MEF2A: variants seen among roughly 807,000 people sequenced by gnomAD.
MEF2A encodes myocyte enhancer factor 2A.
MEF2A carries 28 observed loss-of-function variants against 55.8 expected under a neutral mutation model. The ratio of observed to expected loss-of-function variants is 0.50; its 90% CI spans 0.37 to 0.69. The LOEUF (loss-of-function observed/expected upper bound fraction) is 0.69. MEF2A is among the 30% of genes least tolerant of loss of function. MEF2A has a pLI of 0.00. For missense variants in MEF2A, 528 were observed against 626.2 expected, an observed-to-expected ratio of 0.84 and a Z score of 1.67; for synonymous variants, 239 against 227.1, an observed-to-expected ratio of 1.05 and a Z score of -0.47.
chr15:99,678,980 T>C (rs2052669381), intron 7 of MEF2A, among the ~76,000 whole-genome samples: 1 of 152,108 alleles, frequency 6.6e-6, no homozygotes, highest in Non-Finnish European at 1.5e-5. Context: ...GTCTGATAAA[T>C]GTGAAGAAAT....
chr15:99,654,172 A>G (rs577507539), intron 4 of MEF2A, among the ~76,000 whole-genome samples: 1 of 152,310 alleles, frequency 6.6e-6, no homozygotes, highest in African/African-American at 2.4e-5. Flanking sequence ...GCTGTAGGAC[A>G]GTATAAAATA....
At position 99,714,872 on chromosome 15, in the gene MEF2A, T is replaced by C. The variant is rs1238919344; in HGVS notation, c.*2101T>C. 2 of 126,590 alleles carry C rather than the reference T, an allele frequency of 1.6e-5. No homozygotes were observed. Among genetic ancestry groups the C allele is most frequent in the African/African-American group, 6.1e-5 (2 of 32,920 alleles). The allele number at this position is 126,590 out of a possible 1,614,324, so 7.8% of individuals were successfully genotyped here. A position where few individuals can be genotyped will look rare whatever the true frequency, so the allele number is the denominator to read the frequency against. On this transcript the variant is annotated 3_prime_UTR_variant, in exon 12 of 12. Transcript: ENST00000557942. Reference sequence around the variant, plus strand: ...CTCATCTGCTGTTTGTGACAAGTCATCAGCCAGATTTCCTGACTGACACAT... The same window carrying C: ...CTCATCTGCTGTTTGTGACAAGTCACCAGCCAGATTTCCTGACTGACACAT...
chr15:99,663,289 AT>A (rs1219734071), intron 4 of MEF2A, among the ~76,000 whole-genome samples: 1 of 152,112 alleles, frequency 6.6e-6, no homozygotes, highest in Non-Finnish European at 1.5e-5. Flanking sequence ...GATAATCCTG[AT>A]TTATTTACTC....
intron 2 of MEF2A, among the ~76,000 whole-genome samples, chr15:99,610,677 A>T (rs909542835): frequency 1.3e-5 from 2 of 151,904 alleles, no homozygotes; most frequent in East Asian, 1.9e-4. Context: ...TTTAATTATT[A>T]TTTTTTTTCA....
intron 1 of MEF2A, among the ~76,000 whole-genome samples, chr15:99,568,510 A>G (rs1030409871): frequency 2.0e-5 from 3 of 152,218 alleles, no homozygotes; most frequent in African/African-American, 4.8e-5. Context: ...TGGCTACCAA[A>G]AAGAGGAATA....
At chr15:99,634,983 A>C (rs1012034380) in intron 3 of MEF2A, among the ~76,000 whole-genome samples, 1 of 152,220 alleles carries the variant, frequency 6.6e-6, no homozygotes, top group African/African-American at 2.4e-5. Flanking sequence ...TTTGATTCTG[A>C]TTTAAAAGTT....
At chr15:99,638,473 G>A (rs138319979) in intron 3 of MEF2A, among the ~76,000 whole-genome samples, 153 of 151,852 alleles carry the variant, frequency 1.0e-3, no homozygotes, top group Non-Finnish European at 1.7e-3. Flanking sequence ...TTGTCCTCCT[G>A]TATTTTTTAC....
chr15:99,673,125 G>A (rs2153636785), intron 5 of MEF2A, among the ~76,000 whole-genome samples: 1 of 152,274 alleles, frequency 6.6e-6, no homozygotes, highest in African/African-American at 2.4e-5. Context: ...ATTTCCACAT[G>A]TCAGGTTTGG....
At chr15:99,663,415 A>G (rs999284440) in intron 4 of MEF2A, among the ~76,000 whole-genome samples, 7 of 152,092 alleles carry the variant, frequency 4.6e-5, no homozygotes, top group African/African-American at 1.7e-4. Flanking sequence ...AACTGAAAAC[A>G]CTTTTAACAT....
At chr15:99,630,826 G>C (rs1409203066) in intron 2 of MEF2A, among the ~76,000 whole-genome samples, 1 of 152,146 alleles carries the variant, frequency 6.6e-6, no homozygotes, top group African/African-American at 2.4e-5. Flanking sequence ...TTTGGAGTCT[G>C]TCCCTATGCC....
chr15:99,638,253 TA>T (rs897049194), intron 3 of MEF2A, among the ~76,000 whole-genome samples: 16 of 151,986 alleles, frequency 1.1e-4, no homozygotes, highest in African/African-American at 2.9e-4. Flanking sequence ...CTTTTGATCT[TA>T]AAAAAAATTT....
chr15:99,595,650 A>G (rs1481928122), intron 1 of MEF2A, among the ~76,000 whole-genome samples: 1 of 152,230 alleles, frequency 6.6e-6, no homozygotes, highest in East Asian at 1.9e-4. Context: ...AAAAAAGCAT[A>G]TGGTATAATA....
chr15:99,689,055 G>T (rs325393), intron 7 of MEF2A, among the ~76,000 whole-genome samples: 33,883 of 152,102 alleles, frequency 0.22, 4,422 homozygotes, highest in South Asian at 0.31. Flanking sequence ...GGTTTCATAC[G>T]TATTTTATAT....
At chr15:99,574,418 A>T (rs1963598724) in intron 1 of MEF2A, among the ~76,000 whole-genome samples, 1 of 152,184 alleles carries the variant, frequency 6.6e-6, no homozygotes, top group Non-Finnish European at 1.5e-5. Flanking sequence ...CATTATTATT[A>T]CATTGTAATA....
chr15:99,627,237 A>G (rs909409072), intron 2 of MEF2A, among the ~76,000 whole-genome samples: 2 of 151,836 alleles, frequency 1.3e-5, no homozygotes, highest in African/African-American at 4.8e-5. Flanking sequence ...CCTGGCCAAC[A>G]TGGTGAACCC....
chr15:99,633,903 A>G (rs1016845098), intron 3 of MEF2A, among the ~76,000 whole-genome samples: 2 of 152,224 alleles, frequency 1.3e-5, no homozygotes, highest in African/African-American at 4.8e-5. Flanking sequence ...CTGCTTTCGC[A>G]TTATAACAAC....
At chr15:99,620,583 C>T (rs1415869889) in intron 2 of MEF2A, among the ~76,000 whole-genome samples, 9 of 152,110 alleles carry the variant, frequency 5.9e-5, no homozygotes, top group African/African-American at 2.2e-4. Flanking sequence ...TTATCCATTC[C>T]ACTGTTGTTG....
intron 1 of MEF2A, among the ~76,000 whole-genome samples, chr15:99,582,090 C>T (rs566467300): frequency 6.6e-6 from 1 of 152,166 alleles, no homozygotes; most frequent in South Asian, 2.1e-4. Flanking sequence ...AAAAAAGAGC[C>T]ATTGACAGTT....
At position 99,714,746 on chromosome 15, in the gene MEF2A, TTA is replaced by T. The variant is rs1163507387; in HGVS notation, c.*1979_*1980del. 1 of 152,166 alleles carries T rather than the reference TTA, an allele frequency of 6.6e-6. No individual in the cohort carries two copies. Among genetic ancestry groups the T allele is most frequent in the Non-Finnish European group, 1.5e-5 (1 of 68,028 alleles). The allele number at this position is 152,166 out of a possible 1,614,324, so 9.4% of individuals were successfully genotyped here. On this transcript the variant is annotated 3_prime_UTR_variant, in exon 12 of 12. Transcript: ENST00000557942. Reference sequence around the variant, plus strand: ...ACTCAAGGGTTTAAAAATTGCTATTTTATATTTTAAATGATATTGAGCAGCTA... The same window carrying T: ...ACTCAAGGGTTTAAAAATTGCTATTTTATTTTAAATGATATTGAGCAGCTA...
Sources: allele counts gnomAD v4.1 joint callset (sites outside exome capture counted in the v4.1 genomes callset), GRCh38; gene constraint gnomAD v4.1.1; transcripts MANE v1.5; gene names NCBI Gene and HGNC (gene_info 2026-07-23, HGNC 2026-07-21).